TSC2: variants seen among roughly 807,000 people sequenced by gnomAD.
TSC2 encodes the protein TSC complex subunit 2.
TSC2 carries 29 observed loss-of-function variants against 202.2 expected under a neutral mutation model. The observed-to-expected ratio is 0.14, with a 90% CI of 0.11 to 0.20. The LOEUF is 0.20. TSC2 is among the 10% of genes least tolerant of loss of function. The pLI, the probability that TSC2 is intolerant of heterozygous loss-of-function variation, is 1.00. For missense variants in TSC2, 2,429 were observed against 2,420.0 expected (o/e 1.00, Z -0.08); for synonymous variants, 1,349 against 1,044.0 (o/e 1.29, Z -5.63).
At chr16:2,084,759 C>A in intron 34 of TSC2, 44 bp downstream of exon 34, 1 of 1,598,362 alleles carries the variant, frequency 6.3e-7, no homozygotes, top group South Asian at 1.1e-5. Flanking sequence ...ACCTCTCCTG[C>A]GGGAACCTGG....
intron 13 of TSC2, 25 bp downstream of exon 13, chr16:2,062,625 C>G (rs771176300): frequency 7.2e-5 from 114 of 1,583,138 alleles, no homozygotes; most frequent in Non-Finnish European, 9.6e-5. Flanking sequence ...GTAGCCTTGC[C>G]TGGCACCTGG....
At position 2,077,616 on chromosome 16, in the gene TSC2, C is replaced by T. The variant is rs876660401; in HGVS notation, c.2856C>T (p.Pro952=). The T allele has an allele frequency of 6.2e-7, 1 of 1,613,208 alleles. No homozygotes were observed. Residue 952 remains proline, a synonymous_variant, in exon 26 of 42, where the codon CCC becomes CCT. Coordinates refer to ENST00000219476, the MANE Select transcript of TSC2 (RefSeq NM_000548.5). ...CCGATAGTCTGAGGATAGCCAGACCCCCCAAACAAGGCTTGAATAACTCTC... is the reference window on the plus strand; with the variant it reads ...CCGATAGTCTGAGGATAGCCAGACCTCCCAAACAAGGCTTGAATAACTCTC... The part of the protein sequence containing the change: ...ERPKSLRIAR[P]PKQGLNNSPP...
At chr16:2,071,760 C>T (rs2151302872) in intron 18 of TSC2, 24 bp from the exon 19 acceptor site, 1 of 1,602,840 alleles carries the variant, frequency 6.2e-7, no homozygotes, top group Non-Finnish European at 8.5e-7. Context: ...GACTTGGCCT[C>T]AGCTGCTTCT....
At chr16:2,048,210 G>A in intron 1 of TSC2, 145 bp downstream of exon 1, 1 of 1,511,006 alleles carries the variant, frequency 6.6e-7, no homozygotes. Flanking sequence ...TTAGTTTTAA[G>A]TCATGGCGGG....
intron 32 of TSC2, chr16:2,083,134 T>A: frequency 2.2e-6 from 1 of 456,146 alleles, no homozygotes; most frequent in Non-Finnish European, 4.4e-6. Context: ...GATGGTCCCC[T>A]CTGTTGCTGC....
intron 16 of TSC2, among the ~76,000 whole-genome samples, chr16:2,067,888 G>A (rs1291850828): frequency 6.6e-6 from 1 of 152,170 alleles, no homozygotes; most frequent in African/African-American, 2.4e-5. Context: ...CCTATGGCCT[G>A]GGAGAACTGA....
chr16:2,063,065 G>C lies in TSC2; in HGVS notation c.1443+12G>C, dbSNP rs771129412. The C allele has an allele frequency of 5.2e-6, 8 of 1,551,324 alleles. No individual in the cohort carries two copies. The South Asian group carries it at 8.3e-5, about 16-fold the overall frequency. ...GGCAGTTCTATGAGGTGCGTGTCCA[G>C]GCGGCCGCAGCTGGGGGCTCAGGGC... On this transcript the variant is annotated intron_variant, in intron 14 of 41. Coordinates refer to ENST00000219476, the MANE Select transcript of TSC2 (RefSeq NM_000548.5).
At chr16:2,057,285 TC>T in intron 9 of TSC2, 107 bp downstream of exon 9, 1 of 1,359,500 alleles carries the variant, frequency 7.4e-7, no homozygotes, top group East Asian at 2.5e-5. Flanking sequence ...CCTTGTCCTC[TC>T]GGGCAGCTGT....
At chr16:2,061,670 C>G in intron 11 of TSC2, 5 of 813,462 alleles carry the variant, frequency 6.1e-6, no homozygotes, top group Non-Finnish European at 9.9e-6. Flanking sequence ...TCAGGGTGGC[C>G]CCTGGAGAGG....
chr16:2,064,189 G>C, intron 14 of TSC2, 83 bp from the exon 15 acceptor site: 1 of 1,605,572 alleles, frequency 6.2e-7, no homozygotes, highest in South Asian at 1.1e-5. Flanking sequence ...CTGCTTGCGG[G>C]TCGGTTCCTG....
rs750336814 is a variant in TSC2 at position 2,075,860 on chromosome 16, C to T, written c.2607C>T (p.Phe869=). 16 of 1,613,018 alleles carry T rather than the reference C, an allele frequency of 9.9e-6. No homozygotes were observed. The highest frequency in any genetic ancestry group is 7.7e-5 in the South Asian group (7 of 91,088). The change falls in exon 23 of 42, where the codon TTC becomes TTT. Residue 869 remains phenylalanine, a synonymous_variant. Transcript: ENST00000219476. ...CCGCGGAGCAGTATGCCAGTGTGTTCGCCATCTCCCTGCCGTACACCAACC... is the reference window on the plus strand; with the variant it reads ...CCGCGGAGCAGTATGCCAGTGTGTTTGCCATCTCCCTGCCGTACACCAACC... The part of the protein sequence containing the change: ...NFAAEQYASV[F]AISLPYTNPS...
rs2085882405 is a variant in TSC2, at chr16:2,056,678, A to G, written c.683A>G (p.Tyr228Cys). 6.2e-7 allele frequency: 1 copy of G among 1,612,378 alleles called. No homozygotes were observed. The highest frequency in any genetic ancestry group is 2.2e-5 in the East Asian group (1 of 44,878). ...SLQVLDAVVC[Y>C]NCLPAESLPL... Reference sequence around the variant, plus strand: ...CAGGTGCTGGACGCCGTGGTCTGCTACAACTGCCTGCCGGCTGAGAGCCTC... The same window carrying G: ...CAGGTGCTGGACGCCGTGGTCTGCTGCAACTGCCTGCCGGCTGAGAGCCTC... Residue 228 changes from tyrosine (Y) to cysteine (C), a missense_variant, in exon 8 of 42, where the codon TAC becomes TGC. Transcript: ENST00000219476.
intron 3 of TSC2, among the ~76,000 whole-genome samples, chr16:2,052,223 T>C (rs2085218610): frequency 6.7e-6 from 1 of 150,012 alleles, no homozygotes; most frequent in Non-Finnish European, 1.5e-5. Context: ...GGTAAGAGTA[T>C]TGTCAATGAG....
chr16:2,088,694 CAT>C lies in TSC2; in HGVS notation c.*86_*87del, dbSNP rs1365479893. On this transcript the variant is annotated 3_prime_UTR_variant, in exon 42 of 42. Coordinates refer to ENST00000219476, the MANE Select transcript of TSC2 (RefSeq NM_000548.5). ...TAAAGTCCTGACCCCAGTGCACAGA[CAT>C]AGAGGCACAGATTGCAGTCAGACAG... 6.7e-6 allele frequency: 10 copies of C among 1,489,116 alleles called. No individual in the cohort carries two copies. The highest frequency in any genetic ancestry group is 1.7e-4 in the Middle Eastern group (1 of 5,820). 92.2% of individuals were successfully genotyped at this position (1,489,116 alleles called of 1,614,324 possible). A position where few individuals can be genotyped will look rare whatever the true frequency, so the allele number is the denominator to read the frequency against.
intron 16 of TSC2, among the ~76,000 whole-genome samples, chr16:2,066,909 G>A (rs1015360379): frequency 1.5e-4 from 23 of 151,994 alleles, no homozygotes; most frequent in Middle Eastern, 3.2e-3. Context: ...TGATCCTCCC[G>A]CCTTGGCCTC....
At chr16:2,075,778 C>G in intron 22 of TSC2, 21 bp from the exon 23 acceptor site, 1 of 1,611,442 alleles carries the variant, frequency 6.2e-7, no homozygotes, top group Admixed American at 1.7e-5. Flanking sequence ...GCTCCCCTGA[C>G]CACCCTCTCC....
chr16:2,054,092 T>A, intron 4 of TSC2: 2 of 725,184 alleles, frequency 2.8e-6, no homozygotes, highest in Non-Finnish European at 4.5e-6. Flanking sequence ...TTGCTCCCCA[T>A]ACGCCGCTCT....
intron 12 of TSC2, 134 bp downstream of exon 12, chr16:2,062,142 GGC>G: frequency 1.5e-6 from 2 of 1,305,426 alleles, no homozygotes; most frequent in Non-Finnish European, 2.1e-6. Context: ...TTCTGCACTC[GGC>G]AGGGAAGGCT....
At chr16:2,055,208 T>C (rs1030073926) in intron 5 of TSC2, 194 bp from the exon 6 acceptor site, 8 of 660,826 alleles carry the variant, frequency 1.2e-5, no homozygotes, top group South Asian at 8.2e-5. Flanking sequence ...CTAGTGTCCG[T>C]GCGTAGCCGG....
Sources: allele counts gnomAD v4.1 joint callset (sites outside exome capture counted in the v4.1 genomes callset), GRCh38; gene constraint gnomAD v4.1.1; transcripts MANE v1.5; gene names NCBI Gene and HGNC (gene_info 2026-07-23, HGNC 2026-07-21).